The following MRPS24 variants were observed in gnomAD, a reference collection of about 807,000 sequenced individuals.
MRPS24 encodes small ribosomal subunit protein uS3m.
Under a neutral mutation model 21.8 loss-of-function variants are expected in MRPS24, and 15 were observed. The observed-to-expected ratio is 0.69, with a 90% CI of 0.46 to 1.06. The LOEUF is 1.06. Among genes scored for constraint, MRPS24 ranks in the 50% least tolerant of loss-of-function variants. The pLI is 0.00. For synonymous variants in MRPS24, 93 were observed against 93.7 expected (o/e 0.99, Z 0.04); for missense variants, 224 against 219.1 (o/e 1.02, Z -0.14).
chr7:43,868,646 G>T, intron 3 of MRPS24: 1 of 301,254 alleles, frequency 3.3e-6, no homozygotes, highest in Non-Finnish European at 6.2e-6. Flanking sequence ...CTATTTTACA[G>T]CTCTGTAAAT....
chr7:43,869,286 C>A lies in MRPS24; in HGVS notation c.108+22G>T. On this transcript the variant is annotated intron_variant, in intron 2 of 3. Transcript: ENST00000317534. This position sits in a 1 kb window ranked among gnomAD's most constrained non-coding sequence, Gnocchi z 4.8. ...GCCCCCCGGCCCCCAGGCCCCCAGG[C>A]CCCTGCCCCGGCGGTGCTCACCTTG... 2 of 1,529,812 alleles carry A rather than the reference C, an allele frequency of 1.3e-6. No individual in the cohort carries two copies. Among genetic ancestry groups the A allele is most frequent in the Non-Finnish European group, 8.8e-7 (1 of 1,142,148 alleles). 94.8% of individuals were successfully genotyped at this position (1,529,812 alleles called of 1,614,324 possible). A position where few individuals can be genotyped will look rare whatever the true frequency, so the allele number is the denominator to read the frequency against.
intron 3 of MRPS24, chr7:43,868,274 A>G (rs1452768635): frequency 6.6e-6 from 1 of 152,180 alleles, no homozygotes; most frequent in Non-Finnish European, 1.5e-5. Flanking sequence ...TCACTAACAA[A>G]AAGCACGAAA....
intron 3 of MRPS24, chr7:43,868,448 T>C (rs2095838146): frequency 6.6e-6 from 1 of 152,460 alleles, no homozygotes; most frequent in Admixed American, 6.5e-5. Context: ...AGAGTGTTGA[T>C]TTGGGGCTTA....
chr7:43,869,037 T>C lies in MRPS24; in HGVS notation c.146A>G (p.Lys49Arg), dbSNP rs766144462. Residue 49 changes from lysine to arginine, a missense_variant, in exon 3 of 4, where the codon AAG becomes AGG. Coordinates refer to ENST00000317534, the MANE Select transcript of MRPS24 (RefSeq NM_032014.3). This position sits in a 1 kb window ranked among gnomAD's most constrained non-coding sequence, Gnocchi z 4.8. ...AARVRVSKGD[K>R]PVTYEEAHAP... ...GTGTGCCTCCTCGTAGGTCACCGGC[T>C]TGTCCCCCTTGCTTACGCGTACTCG... The C allele has an allele frequency of 2.5e-6, 4 of 1,613,824 alleles. No individual in the cohort carries two copies. The Admixed American group carries it at 6.7e-5, about 27-fold the overall frequency.
Position 43,866,774 on chromosome 7 carries a change from C to A in MRPS24, c.429G>T (p.Leu143=). The change falls in exon 4 of 4, where the codon CTG becomes CTT. Residue 143 remains leucine, a synonymous_variant. Transcript: ENST00000317534. ...GCACAGGACATTTGTAAAAGTAGGA[C>A]AGCAAAGTTTCACTGTAGCCCACGA... ...YFLVGYSETL[L]SYFYKCPVRL... is the part of the protein sequence containing the mutation. 3 of 1,614,204 alleles carry A rather than the reference C, an allele frequency of 1.9e-6. No homozygotes were observed. The highest frequency in any genetic ancestry group is 2.5e-6 in the Non-Finnish European group (3 of 1,180,048).
intron 3 of MRPS24, chr7:43,868,225 T>C (rs2095837919): frequency 6.6e-6 from 1 of 152,014 alleles, no homozygotes; most frequent in Non-Finnish European, 1.5e-5. Context: ...GAACACTAGA[T>C]AGCACTTCAG....
At position 43,869,382 on chromosome 7, in the gene MRPS24, G is replaced by A. The variant is rs2095839081; in HGVS notation, c.40-6C>T. 1 of 1,549,874 alleles carries A rather than the reference G, an allele frequency of 6.5e-7. No homozygotes were observed. Among genetic ancestry groups the A allele is most frequent in the Non-Finnish European group, 8.7e-7 (1 of 1,146,820 alleles). On this transcript the variant is annotated splice_region_variant and splice_polypyrimidine_tract_variant and intron_variant, in intron 1 of 3. Transcript: ENST00000317534. The surrounding 1 kb of genome is among the most constrained non-coding windows in gnomAD (Gnocchi z 4.8). ...TCTCGGCTCCAGGACAGCACCTGTG[G>A]AGGGAGGGCGCGTGAGGCGGAAACT...
At position 43,869,515 on chromosome 7, in the gene MRPS24, G is replaced by A; in HGVS notation, c.-20C>T. On this transcript the variant is annotated 5_prime_UTR_variant, in exon 1 of 4. Transcript: ENST00000317534. This position sits in a 1 kb window ranked among gnomAD's most constrained non-coding sequence, Gnocchi z 4.8. ...CGCCATCTTGGGCCAAGCGGAGCGC[G>A]GGACGTACCACAGCGCGCTGAGGGG... 4 of 1,559,836 alleles carry A rather than the reference G, an allele frequency of 2.6e-6. No individual in the cohort carries two copies. The highest frequency in any genetic ancestry group is 3.5e-6 in the Non-Finnish European group (4 of 1,155,254).
chr7:43,869,366 C>G lies in MRPS24; in HGVS notation c.50G>C (p.Trp17Ser). The change falls in exon 2 of 4, where the codon TGG becomes TCG. Residue 17 changes from tryptophan to serine, a missense_variant. Trp to Ser is a radical substitution (Grantham distance 177). Coordinates refer to ENST00000317534, the MANE Select transcript of MRPS24 (RefSeq NM_032014.3). This position sits in a 1 kb window ranked among gnomAD's most constrained non-coding sequence, Gnocchi z 4.8. ...SGLLGPRVLS[W>S]SRELPCAWRA... Reference sequence around the variant, plus strand: ...CCAAGCGCAAGGCAGCTCTCGGCTCCAGGACAGCACCTGTGGAGGGAGGGC... The same window carrying G: ...CCAAGCGCAAGGCAGCTCTCGGCTCGAGGACAGCACCTGTGGAGGGAGGGC... 1 of 1,549,718 alleles carries G rather than the reference C, an allele frequency of 6.5e-7. No homozygotes were observed. The highest frequency in any genetic ancestry group is 2.4e-5 in the East Asian group (1 of 40,910).
intron 3 of MRPS24, among the ~76,000 whole-genome samples, chr7:43,867,345 T>C (rs754324711): frequency 6.6e-6 from 1 of 152,000 alleles, no homozygotes; most frequent in Non-Finnish European, 1.5e-5. Context: ...AAGATGAGGC[T>C]ACCAGCTATT....
At position 43,869,028 on chromosome 7, in the gene MRPS24, G is replaced by A. The variant is rs771909582; in HGVS notation, c.155C>T (p.Thr52Ile). ...VRVSKGDKPV[T>I]YEEAHAPHYI... is the part of the protein sequence containing the mutation. ...GTGCGGCGCGTGTGCCTCCTCGTAGGTCACCGGCTTGTCCCCCTTGCTTAC... is the reference window on the plus strand; with the variant it reads ...GTGCGGCGCGTGTGCCTCCTCGTAGATCACCGGCTTGTCCCCCTTGCTTAC... Residue 52 changes from threonine to isoleucine, a missense_variant, in exon 3 of 4, where the codon ACC (threonine) becomes ATC (isoleucine). By Grantham distance (89) the Thr-to-Ile change is moderately conservative (BLOSUM62 -1). Transcript: ENST00000317534. The surrounding 1 kb of genome is among the most constrained non-coding windows in gnomAD (Gnocchi z 4.8). 4.8e-5 allele frequency: 77 copies of A among 1,613,846 alleles called. No individual in the cohort carries two copies. The highest frequency in any genetic ancestry group is 6.4e-5 in the Non-Finnish European group (76 of 1,180,020).
In MRPS24 at chr7:43,869,254, G is replaced by C; in HGVS notation, c.108+54C>G. 3.5e-5 allele frequency: 52 copies of C among 1,474,746 alleles called. No homozygotes were observed. Among genetic ancestry groups the C allele is most frequent in the Non-Finnish European group, 4.5e-5 (50 of 1,113,852 alleles). 91.4% of individuals were successfully genotyped at this position (1,474,746 alleles called of 1,614,324 possible). ...CCCTTCAGCCCGCACGGCTTCCCCG[G>C]CCCCCGGCCCCCCGGCCCCCAGGCC... On this transcript the variant is annotated intron_variant, in intron 2 of 3. Transcript: ENST00000317534. This position sits in a 1 kb window ranked among gnomAD's most constrained non-coding sequence, Gnocchi z 4.8.
At chr7:43,868,086 A>C (rs185511991) in intron 3 of MRPS24, 64 of 152,262 alleles carry the variant, frequency 4.2e-4, no homozygotes, top group African/African-American at 1.4e-3. Context: ...GTTTAAAGAC[A>C]CCTTGTTTAA....
At position 43,869,484 on chromosome 7, in the gene MRPS24, G is replaced by A. The variant is rs777803828; in HGVS notation, c.12C>T (p.Ser4=). 1.2e-5 allele frequency: 19 copies of A among 1,569,696 alleles called. No individual in the cohort carries two copies. In the East Asian group the frequency reaches 1.4e-4, roughly 12 times the overall value. MAA[S]VCSGLLGPRV... The stretch of plus-strand genomic sequence containing the variant: ...GTGGCCCCAGCAACCCGCTGCACAC[G>A]GAGGCCGCCATCTTGGGCCAAGCGG... The change falls in exon 1 of 4, where the codon TCC becomes TCT. Residue 4 remains serine (S), a synonymous_variant. Coordinates refer to ENST00000317534, the MANE Select transcript of MRPS24 (RefSeq NM_032014.3). This position sits in a 1 kb window ranked among gnomAD's most constrained non-coding sequence, Gnocchi z 4.8.
Position 43,868,978 on chromosome 7 carries a change from G to C in MRPS24, c.205C>G (p.Leu69Val). 6.2e-7 allele frequency: 1 copy of C among 1,614,028 alleles called. No individual in the cohort carries two copies. The highest frequency in any genetic ancestry group is 8.5e-7 in the Non-Finnish European group (1 of 1,179,982). The change falls in exon 3 of 4, where the codon CTG (leucine) becomes GTG (valine). Residue 69 changes from leucine (L) to valine (V), a missense_variant. Leu to Val is a conservative substitution (Grantham distance 32). Transcript: ENST00000317534. ...GTCCGCTCACCTGTGTGCAGCGACA[G>C]CCAGCCTTTACGGTGGGCGATGTAG... Reference protein sequence around the residue: ...PHYIAHRKGWLSLHTGNLDGE... With the variant: ...PHYIAHRKGWVSLHTGNLDGE...
In MRPS24 at chr7:43,866,792, G is replaced by T. The variant is rs965603815; in HGVS notation, c.411C>A (p.Gly137=). 1 of 1,614,250 alleles carries T rather than the reference G, an allele frequency of 6.2e-7. No homozygotes were observed. The highest frequency in any genetic ancestry group is 1.7e-5 in the Admixed American group (1 of 60,036). ...LSPHKYYFLV[G]YSETLLSYFY... is the part of the protein sequence containing the mutation. ...AGTAGGACAGCAAAGTTTCACTGTA[G>T]CCCACGAGGAAGTAGTACTTGTGTG... Residue 137 remains glycine, a synonymous_variant, in exon 4 of 4, where the codon GGC becomes GGA. Coordinates refer to ENST00000317534, the MANE Select transcript of MRPS24 (RefSeq NM_032014.3).
At chr7:43,868,847 T>C (rs1022163612) in intron 3 of MRPS24, 116 bp downstream of exon 3, 2 of 1,308,394 alleles carry the variant, frequency 1.5e-6, no homozygotes, top group Non-Finnish European at 2.1e-6. Flanking sequence ...GTTGGTTTCA[T>C]AGATTTCTGA....
intron 3 of MRPS24, chr7:43,868,651 G>T (rs1251531587): frequency 1.6e-5 from 5 of 317,494 alleles, no homozygotes; most frequent in Non-Finnish European, 2.3e-5. Flanking sequence ...TTACAGCTCT[G>T]TAAATTACAG....
At position 43,869,006 on chromosome 7, in the gene MRPS24, C is replaced by A; in HGVS notation, c.177G>T (p.Pro59=). ...AGCCTTTACGGTGGGCGATGTAGTG[C>A]GGCGCGTGTGCCTCCTCGTAGGTCA... ...KPVTYEEAHA[P]HYIAHRKGWL... is the part of the protein sequence containing the mutation. The change falls in exon 3 of 4, where the codon CCG becomes CCT. Residue 59 remains proline, a synonymous_variant. Coordinates refer to ENST00000317534, the MANE Select transcript of MRPS24 (RefSeq NM_032014.3). The surrounding 1 kb of genome is among the most constrained non-coding windows in gnomAD (Gnocchi z 4.8). The A allele has an allele frequency of 6.2e-7, 1 of 1,614,016 alleles. No homozygotes were observed. The highest frequency in any genetic ancestry group is 8.5e-7 in the Non-Finnish European group (1 of 1,180,010).
Sources: gnomAD v4.1 joint callset for allele counts (sites outside exome capture counted in the v4.1 genomes callset) on GRCh38, gnomAD v4.1.1 for gene constraint, Gnocchi (gnomAD v3.1) non-coding constraint, MANE v1.5 for transcripts, NCBI Gene and HGNC (gene_info 2026-07-23, HGNC 2026-07-21) for gene names.